Variants in TRPV1 observed in about 807,000 individuals in gnomAD.
TRPV1 encodes the protein transient receptor potential cation channel subfamily V member 1.
TRPV1 carries 82 observed loss-of-function variants against 82.3 expected under a neutral mutation model. The observed-to-expected ratio is 1.00, with a 90% CI of 0.83 to 1.20. The LOEUF (loss-of-function observed/expected upper bound fraction) is 1.20, where lower values mean the gene tolerates loss of function less well. Ranked by LOEUF, TRPV1 falls within the 50% of genes most tolerant of loss-of-function variation. TRPV1 has a pLI of 0.00. For synonymous variants in TRPV1, 515 were observed against 467.7 expected, an observed-to-expected ratio of 1.10 and a Z score of -1.30; for missense variants, 1,067 against 1,096.8, an observed-to-expected ratio of 0.97 and a Z score of 0.38.
Position 3,589,809 on chromosome 17 carries a change from C to T in TRPV1, c.1042G>A (p.Gly348Arg), listed in dbSNP as rs1014436161. 7 of 1,609,374 alleles carry T rather than the reference C, an allele frequency of 4.3e-6. No individual in the cohort carries two copies. Among genetic ancestry groups the T allele is most frequent in the Middle Eastern group, 3.3e-4 (2 of 6,054 alleles). Residue 348 changes from glycine to arginine, a missense_variant and splice_region_variant, in exon 7 of 17, where the codon GGG becomes AGG. Transcript: ENST00000572705. ...LALAAGTGKI[G>R]VLAYILQREI... is the part of the protein sequence containing the mutation. Reference sequence around the variant, plus strand: ...CCTGAGCCGAAGCCCCCTCTTACCCCGATCTTCCCGGTCCCAGCTGCCAGA... The same window carrying T: ...CCTGAGCCGAAGCCCCCTCTTACCCTGATCTTCCCGGTCCCAGCTGCCAGA...
At chr17:3,584,226 T>A (rs948596721) in intron 9 of TRPV1, among the ~76,000 whole-genome samples, 3 of 151,524 alleles carry the variant, frequency 2.0e-5, no homozygotes, top group African/African-American at 7.3e-5. Context: ...GTGGCGCCAC[T>A]GCACTCCAGC....
intron 14 of TRPV1, 82 bp downstream of exon 14, chr17:3,573,551 C>CCCCCCCCCCCCCCCAAT: frequency 1.6e-6 from 1 of 635,234 alleles, no homozygotes; most frequent in Non-Finnish European, 2.1e-6. Context: ...ACCCACCCAC[C>CCCCCCCCCCCCCCCAAT]TGCAGCCAGC....
chr17:3,580,099 A>C (rs1344304586), intron 11 of TRPV1, among the ~76,000 whole-genome samples: 2 of 143,436 alleles, frequency 1.4e-5, no homozygotes, highest in African/African-American at 5.3e-5. Flanking sequence ...CCAAGGTCGC[A>C]CAACCCCCCG....
chr17:3,578,089 G>A (rs1339737712), intron 11 of TRPV1: 7 of 201,092 alleles, frequency 3.5e-5, no homozygotes, highest in Non-Finnish European at 1.0e-5. Context: ...CGGAGCACAA[G>A]GTCAGGAGTT....
intron 13 of TRPV1, among the ~76,000 whole-genome samples, chr17:3,576,668 A>AAAAAAAAAAAAAAAAAAATATATATAT: frequency 5.2e-5 from 2 of 38,426 alleles, no homozygotes; most frequent in Non-Finnish European, 1.1e-4. Flanking sequence ...AAAAAAAAAA[A>AAAAAAAAAAAAAAAAAAATATATATAT]ATATATATAT....
intron 2 of TRPV1, among the ~76,000 whole-genome samples, chr17:3,597,786 G>A (rs953591501): frequency 6.7e-6 from 1 of 148,472 alleles, no homozygotes; most frequent in Non-Finnish European, 1.5e-5. Flanking sequence ...CGATTCTCCT[G>A]CCTCAGCCTC....
Position 3,591,096 on chromosome 17 carries a change from A to G in TRPV1, c.472T>C (p.Cys158Arg). 1 of 1,612,926 alleles carries G rather than the reference A, an allele frequency of 6.2e-7. No individual in the cohort carries two copies. Among genetic ancestry groups the G allele is most frequent in the Non-Finnish European group, 8.5e-7 (1 of 1,179,536 alleles). Residue 158 changes from cysteine to arginine, a missense_variant, in exon 5 of 17, where the codon TGT becomes CGT. By Grantham distance (180) the Cys-to-Arg change is radical (BLOSUM62 -3). Transcript: ENST00000572705. ...EFKDPETGKT[C>R]LLKAMLNLHD... is the part of the protein sequence containing the mutation. Reference sequence around the variant, plus strand: ...AGGTTGAGCATGGCTTTCAGCAGACAGGTCTTCCCTGTCTCAGGGTCTGAA... The same window carrying G: ...AGGTTGAGCATGGCTTTCAGCAGACGGGTCTTCCCTGTCTCAGGGTCTGAA...
At chr17:3,594,888 G>C (rs1485387182) in intron 2 of TRPV1, among the ~76,000 whole-genome samples, 1 of 152,166 alleles carries the variant, frequency 6.6e-6, no homozygotes, top group African/African-American at 2.4e-5. Flanking sequence ...CTAGGGTCTG[G>C]AGACAGACAG....
At chr17:3,593,713 G>A (rs1333843011) in intron 2 of TRPV1, among the ~76,000 whole-genome samples, 4 of 152,138 alleles carry the variant, frequency 2.6e-5, no homozygotes, top group East Asian at 1.9e-4. Flanking sequence ...CCCACTGACC[G>A]CCTGTCCCAC....
chr17:3,600,897 C>A (rs2075257021), intron 2 of TRPV1, among the ~76,000 whole-genome samples: 1 of 152,168 alleles, frequency 6.6e-6, no homozygotes, highest in African/African-American at 2.4e-5. Flanking sequence ...AGACCTTCGC[C>A]TGGCCCCTCC....
rs200488964 is a variant in TRPV1 at position 3,588,298 on chromosome 17, C to T, written c.1114G>A (p.Glu372Lys). 3.2e-6 allele frequency: 5 copies of T among 1,573,886 alleles called. No individual in the cohort carries two copies. Among genetic ancestry groups the T allele is most frequent in the Non-Finnish European group, 3.4e-6 (4 of 1,160,298 alleles). The change falls in exon 8 of 17, where the codon GAG (glutamate) becomes AAG (lysine). Residue 372 changes from glutamate (E) to lysine (K), a missense_variant. By Grantham distance (56) the Glu-to-Lys change is moderately conservative. Coordinates refer to ENST00000572705, the MANE Select transcript of TRPV1 (RefSeq NM_080704.4). Reference sequence around the variant, plus strand: ...GAGTGCACGGGCCCGTAGGCCCACTCGGTGAACTTCCTGGACAGGTGCCTG... The same window carrying T: ...GAGTGCACGGGCCCGTAGGCCCACTTGGTGAACTTCCTGGACAGGTGCCTG... ...ECRHLSRKFT[E>K]WAYGPVHSSL...
intron 7 of TRPV1, chr17:3,588,981 A>G (rs1415078150): frequency 6.5e-7 from 1 of 1,535,142 alleles, no homozygotes; most frequent in Admixed American, 2.0e-5. Context: ...CCAGAAAGAA[A>G]GAAAGAGAAT....
At chr17:3,604,374 G>A (rs1313767647) in intron 2 of TRPV1, among the ~76,000 whole-genome samples, 1 of 152,120 alleles carries the variant, frequency 6.6e-6, no homozygotes, top group Non-Finnish European at 1.5e-5. Flanking sequence ...GAGGCGGGCG[G>A]ATCACCTGAG....
At chr17:3,594,153 G>GC (rs2075195841) in intron 2 of TRPV1, among the ~76,000 whole-genome samples, 2 of 76,728 alleles carry the variant, frequency 2.6e-5, no homozygotes, top group Non-Finnish European at 5.2e-5. Flanking sequence ...AAAAAAAAAA[G>GC]AAGCAGCAGC....
chr17:3,576,988 C>A, intron 13 of TRPV1, 138 bp downstream of exon 13: 1 of 824,148 alleles, frequency 1.2e-6, no homozygotes, highest in Non-Finnish European at 1.9e-6. Flanking sequence ...TTCAGTGTGT[C>A]CTCTGTCCAC....
rs530711573 is a variant in TRPV1, at chr17:3,572,920, T to C, written c.2104-671A>G. Among the ~76,000 whole-genome samples the C allele has an allele frequency of 3.6e-5, 5 of 138,770 alleles. No individual in the cohort carries two copies. The South Asian group carries it at 1.1e-3, about 31-fold the overall frequency. The allele number at this position is 138,770 out of a possible 152,430, so 91.0% of individuals were successfully genotyped here. A position where few individuals can be genotyped will look rare whatever the true frequency, so the allele number is the denominator to read the frequency against. On this transcript the variant is annotated intron_variant, in intron 14 of 16. Coordinates refer to ENST00000572705, the MANE Select transcript of TRPV1 (RefSeq NM_080704.4). ...ACCGCTTGAAGTCGGGAGGCAGAGGTTGCAGTCAGCCAAGATCATGCCAAT... is the reference window on the plus strand; with the variant it reads ...ACCGCTTGAAGTCGGGAGGCAGAGGCTGCAGTCAGCCAAGATCATGCCAAT...
In TRPV1 at chr17:3,566,921, C is replaced by G. The variant is rs370922751; in HGVS notation, c.2414G>C (p.Arg805Thr). ...AACTTCCTCGGGCTGAGCAGACTGCCTATCTCGAGCACTTGCCTCTCTTAA... is the reference window on the plus strand; with the variant it reads ...AACTTCCTCGGGCTGAGCAGACTGCGTATCTCGAGCACTTGCCTCTCTTAA... ...PLLREASARD[R>T]QSAQPEEVYL... Residue 805 changes from arginine to threonine, a missense_variant, in exon 17 of 17, where the codon AGG becomes ACG. Transcript: ENST00000572705. 3.1e-6 allele frequency: 5 copies of G among 1,613,862 alleles called. No homozygotes were observed. In the African/African-American group the frequency reaches 6.7e-5, roughly 22 times the overall value.
intron 11 of TRPV1, among the ~76,000 whole-genome samples, 198 bp downstream of exon 11, chr17:3,580,259 G>C (rs541861986): frequency 2.6e-5 from 4 of 152,158 alleles, no homozygotes; most frequent in African/African-American, 9.7e-5. Flanking sequence ...GCAGTTTCTC[G>C]ATCCCTGGCC....
intron 8 of TRPV1, among the ~76,000 whole-genome samples, chr17:3,586,154 T>C (rs1343393123): frequency 6.6e-6 from 1 of 152,048 alleles, no homozygotes; most frequent in East Asian, 1.9e-4. Context: ...TCCCCAGAGG[T>C]GCAGTGAATG....
Sources: gnomAD v4.1 joint callset for allele counts (sites outside exome capture counted in the v4.1 genomes callset) on GRCh38, gnomAD v4.1.1 for gene constraint, MANE v1.5 for transcripts, NCBI Gene and HGNC (gene_info 2026-07-23, HGNC 2026-07-21) for gene names.